STAG1: variants seen among roughly 807,000 people sequenced by gnomAD.
The protein encoded by STAG1 is STAG1 cohesin complex component.
A neutral mutation model predicts 170.9 loss-of-function variants in STAG1; 26 were observed. The observed-to-expected ratio is 0.15, with a 90% CI of 0.11 to 0.21. The LOEUF (loss-of-function observed/expected upper bound fraction) is 0.21, where lower values mean the gene tolerates loss of function less well. Among genes scored for constraint, STAG1 ranks in the 10% least tolerant of loss-of-function variants. STAG1 has a pLI of 1.00. For missense variants in STAG1, 964 were observed against 1,509.5 expected, an observed-to-expected ratio of 0.64 and a Z score of 5.99; for synonymous variants, 514 against 497.7, an observed-to-expected ratio of 1.03 and a Z score of -0.44.
intron 21 of STAG1, among the ~76,000 whole-genome samples, chr3:136,404,067 C>T (rs979877332): frequency 2.0e-5 from 3 of 152,172 alleles, no homozygotes; most frequent in African/African-American, 7.2e-5. Context: ...TTTTGTCCTC[C>T]ACACCAGCAA....
intron 22 of STAG1, among the ~76,000 whole-genome samples, chr3:136,385,523 C>G (rs2086851166): frequency 6.6e-6 from 1 of 152,254 alleles, no homozygotes; most frequent in African/African-American, 2.4e-5. Flanking sequence ...AGATGTAAAT[C>G]ATAGTATCTT....
chr3:136,694,505 A>C (rs978346347), intron 1 of STAG1, among the ~76,000 whole-genome samples: 2 of 151,862 alleles, frequency 1.3e-5, no homozygotes, highest in Non-Finnish European at 1.5e-5. Flanking sequence ...GGTTCCAGCT[A>C]CTCAGGAAGC....
At chr3:136,622,527 T>C (rs1231341022) in intron 3 of STAG1, among the ~76,000 whole-genome samples, 1 of 152,092 alleles carries the variant, frequency 6.6e-6, no homozygotes, top group Non-Finnish European at 1.5e-5. Context: ...ATGTCTCCTA[T>C]TAAAAGGAGG....
intron 1 of STAG1, among the ~76,000 whole-genome samples, chr3:136,678,858 A>G (rs1942228363): frequency 6.6e-6 from 1 of 150,938 alleles, no homozygotes; most frequent in Non-Finnish European, 1.5e-5. Flanking sequence ...CACAAAAAAA[A>G]AAAAAAAAGA....
chr3:136,382,658 G>A (rs996906974), intron 22 of STAG1, among the ~76,000 whole-genome samples: 3 of 151,912 alleles, frequency 2.0e-5, no homozygotes, highest in Admixed American at 2.0e-4. Context: ...TGATCTACCC[G>A]TCTTGGCCTC....
intron 5 of STAG1, among the ~76,000 whole-genome samples, chr3:136,565,160 GGGAAA>G (rs751672571): frequency 6.9e-4 from 104 of 150,696 alleles, no homozygotes; most frequent in African/African-American, 2.2e-3. Context: ...AGAAGGGAAA[GGGAAA>G]GGAAAGGAAA....
chr3:136,664,702 T>A (rs1941694738), intron 1 of STAG1, among the ~76,000 whole-genome samples: 1 of 152,096 alleles, frequency 6.6e-6, no homozygotes, highest in African/African-American at 2.4e-5. Flanking sequence ...CAAAACCAAT[T>A]TTTTGAGAAA....
intron 5 of STAG1, among the ~76,000 whole-genome samples, chr3:136,548,707 T>C (rs1229553857): frequency 6.6e-6 from 1 of 152,154 alleles, no homozygotes; most frequent in Non-Finnish European, 1.5e-5. Flanking sequence ...CATCAATGTT[T>C]TGTTGTTTTC....
intron 22 of STAG1, among the ~76,000 whole-genome samples, chr3:136,396,072 T>C (rs2108335594): frequency 6.6e-6 from 1 of 152,262 alleles, no homozygotes. Context: ...CCAGCTAACT[T>C]TGTATTTTTA....
At chr3:136,581,225 G>C (rs1157478110) in intron 4 of STAG1, among the ~76,000 whole-genome samples, 3 of 152,146 alleles carry the variant, frequency 2.0e-5, no homozygotes, top group Non-Finnish European at 4.4e-5. Context: ...CCATCTGCCA[G>C]CTGTTGAGCT....
chr3:136,692,326 A>AG (rs1264938037), intron 1 of STAG1, among the ~76,000 whole-genome samples: 2 of 146,942 alleles, frequency 1.4e-5, no homozygotes, highest in East Asian at 2.0e-4. Flanking sequence ...AAAAAAAAAA[A>AG]AAAAAAAAAA....
chr3:136,633,948 A>C, intron 1 of STAG1, among the ~76,000 whole-genome samples: 1 of 123,374 alleles, frequency 8.1e-6, no homozygotes, highest in Non-Finnish European at 1.7e-5. Context: ...ACATGGTGAA[A>C]CCCTGTCTCT....
intron 22 of STAG1, among the ~76,000 whole-genome samples, chr3:136,394,490 G>T (rs760917414): frequency 3.3e-5 from 5 of 152,086 alleles, no homozygotes; most frequent in Admixed American, 6.6e-5. Context: ...ATTCTTTCTG[G>T]CATAAAGAAA....
At chr3:136,351,571 G>A (rs1050002749) in intron 28 of STAG1, among the ~76,000 whole-genome samples, 1 of 152,134 alleles carries the variant, frequency 6.6e-6, no homozygotes, top group Non-Finnish European at 1.5e-5. Context: ...ACACAGGGAG[G>A]AAGCTTCACT....
chr3:136,717,924 C>G (rs777399396), intron 1 of STAG1, among the ~76,000 whole-genome samples: 7 of 151,928 alleles, frequency 4.6e-5, no homozygotes, highest in Non-Finnish European at 8.8e-5. Flanking sequence ...GTAAATGGAC[C>G]AAATGAAAAC....
At chr3:136,743,438 T>C (rs980076518) in intron 1 of STAG1, among the ~76,000 whole-genome samples, 3 of 151,732 alleles carry the variant, frequency 2.0e-5, no homozygotes, top group African/African-American at 7.3e-5. Context: ...CTACAGACAT[T>C]AGAAGGATAG....
At chr3:136,466,472 G>C (rs955616413) in intron 12 of STAG1, among the ~76,000 whole-genome samples, 2 of 152,080 alleles carry the variant, frequency 1.3e-5, no homozygotes, top group Admixed American at 6.6e-5. Flanking sequence ...AAAAAGAAAC[G>C]AACAAAGCCT....
intron 13 of STAG1, among the ~76,000 whole-genome samples, chr3:136,454,858 A>G (rs902533227): frequency 6.6e-6 from 1 of 152,224 alleles, no homozygotes; most frequent in African/African-American, 2.4e-5. Context: ...CTAGACTACA[A>G]GACACTATAC....
At chr3:136,648,959 G>A (rs1256065826) in intron 1 of STAG1, among the ~76,000 whole-genome samples, 1 of 152,088 alleles carries the variant, frequency 6.6e-6, no homozygotes, top group Non-Finnish European at 1.5e-5. Flanking sequence ...CCACTTCGAG[G>A]ATAATATTCC....
Sources: gnomAD v4.1 joint callset for allele counts (sites outside exome capture counted in the v4.1 genomes callset) on GRCh38, gnomAD v4.1.1 for gene constraint, MANE v1.5 for transcripts, NCBI Gene and HGNC (gene_info 2026-07-23, HGNC 2026-07-21) for gene names.